The following PMPCB variants were observed in gnomAD, a reference collection of about 807,000 sequenced individuals.
PMPCB encodes peptidase, mitochondrial processing subunit beta, also known as mitochondrial-processing peptidase subunit beta.
In PMPCB, 46 loss-of-function variants were observed where a neutral mutation model predicts 61.5. The observed-to-expected ratio is 0.75, with a 90% CI of 0.59 to 0.96. The LOEUF (loss-of-function observed/expected upper bound fraction) is 0.96, where lower values mean the gene tolerates loss of function less well. Among genes scored for constraint, PMPCB ranks in the 40% least tolerant of loss-of-function variants. The pLI is 0.00. For synonymous variants in PMPCB, 191 were observed against 201.6 expected (o/e 0.95, Z 0.44); for missense variants, 590 against 602.4 (o/e 0.98, Z 0.22).
At chr7:103,319,659 T>C (rs1279053909), downstream of PMPCB, 1 of 1,614,144 alleles carries the variant, frequency 6.2e-7, no homozygotes, top group East Asian at 2.2e-5. Flanking sequence ...GATGTGAGTG[T>C]TTCATTCAAG....
intron 12 of PMPCB, among the ~76,000 whole-genome samples, chr7:103,325,796 C>T (rs1166874794): frequency 6.6e-6 from 1 of 152,116 alleles, no homozygotes; most frequent in African/African-American, 2.4e-5. Context: ...ATGCTTTAAT[C>T]GTAACTATAA....
intron 12 of PMPCB, chr7:103,322,932 G>T: frequency 4.1e-6 from 3 of 736,048 alleles, no homozygotes; most frequent in Non-Finnish European, 4.3e-6. Flanking sequence ...ATTAAACAAT[G>T]ATTTTTTTTT....
chr7:103,323,450 A>G, intron 12 of PMPCB: 1 of 840,290 alleles, frequency 1.2e-6, no homozygotes, highest in South Asian at 2.1e-5. Context: ...TTAACTTGTG[A>G]GAAAGGATTT....
the PMPCB span, chr7:103,344,700 A>G: frequency 2.0e-6 from 3 of 1,471,632 alleles, no homozygotes; most frequent in Non-Finnish European, 1.9e-6. Flanking sequence ...CTCCAGCTCT[A>G]CCTCTCACTC....
rs553051905 is a variant in PMPCB at position 103,312,386 on chromosome 7, T to C, written c.*115T>C. On this transcript the variant is annotated 3_prime_UTR_variant, in exon 13 of 13. Coordinates refer to ENST00000249269, the MANE Select transcript of PMPCB (RefSeq NM_004279.3). ...TTTGAATTAAATACTGTATCATACT[T>C]TCAAAGGATAAAAAGACTACCCCTC... 7 of 1,529,694 alleles carry C rather than the reference T, an allele frequency of 4.6e-6. No individual in the cohort carries two copies. The African/African-American group carries it at 8.4e-5, about 18-fold the overall frequency. The allele number at this position is 1,529,694 out of a possible 1,614,324, so 94.8% of individuals were successfully genotyped here.
At chr7:103,318,162 T>C (rs1299779201), downstream of PMPCB, among the ~76,000 whole-genome samples, 2 of 150,244 alleles carry the variant, frequency 1.3e-5, no homozygotes, top group Non-Finnish European at 3.0e-5. Flanking sequence ...CCCATAACAT[T>C]TTTTTTTTGT....
intron 12 of PMPCB, chr7:103,327,691 T>G: frequency 6.2e-7 from 1 of 1,613,364 alleles, no homozygotes; most frequent in Non-Finnish European, 8.5e-7. Flanking sequence ...ATTATCTCCT[T>G]CTTTTATTGG....
the PMPCB span, among the ~76,000 whole-genome samples, chr7:103,342,146 T>C: frequency 2.0e-5 from 3 of 152,212 alleles, no homozygotes; most frequent in Non-Finnish European, 2.9e-5. Flanking sequence ...TTTCCTAGTA[T>C]TAAAGAGTAT....
chr7:103,306,380 TTC>T (rs1491167585), intron 6 of PMPCB, among the ~76,000 whole-genome samples: 3 of 148,426 alleles, frequency 2.0e-5, no homozygotes, highest in Non-Finnish European at 3.0e-5. Context: ...TGTTCCTGAG[TTC>T]TTTTTTTTTT....
At chr7:103,345,943 TA>T in the PMPCB span, among the ~76,000 whole-genome samples, 352 of 144,468 alleles carry the variant, frequency 2.4e-3, no homozygotes, top group East Asian at 7.4e-3. Flanking sequence ...ACCCCGTCTT[TA>T]AAAAAAAAAA....
At chr7:103,342,006 T>C in the PMPCB span, 1 of 1,351,070 alleles carries the variant, frequency 7.4e-7, no homozygotes, top group Non-Finnish European at 9.9e-7. Flanking sequence ...GGAATAAATA[T>C]GTTTCAAGGC....
rs984843048 is a variant in PMPCB, at chr7:103,325,999, A to AT, written c.*1432-2920dup. Among the ~76,000 whole-genome samples, 247 of 148,210 alleles carry AT rather than the reference A, an allele frequency of 1.7e-3. 7 individuals carry two copies. In the East Asian group the frequency reaches 0.037, roughly 22 times the overall value. ...ATACTGTTATTTCTCTCAAAGCAAA[A>AT]TTTTTTTTTTTTGAGATGGAGTCTT... On this transcript the variant is annotated intron_variant and NMD_transcript_variant, in intron 12 of 12. Transcript: ENST00000444457.
downstream of PMPCB, among the ~76,000 whole-genome samples, chr7:103,332,546 C>T (rs1819018351): frequency 6.6e-6 from 1 of 152,022 alleles, no homozygotes; most frequent in Non-Finnish European, 1.5e-5. Context: ...ACACTTGAAA[C>T]AATTCACCTG....
At chr7:103,345,982 C>T in the PMPCB span, among the ~76,000 whole-genome samples, 1 of 151,966 alleles carries the variant, frequency 6.6e-6, no homozygotes, top group African/African-American at 2.4e-5. Context: ...GCCCCAAAAC[C>T]TCTTCCTGAT....
the PMPCB span, among the ~76,000 whole-genome samples, chr7:103,342,451 A>T: frequency 6.6e-6 from 1 of 151,694 alleles, no homozygotes; most frequent in Admixed American, 6.6e-5. Flanking sequence ...GATTACAGGC[A>T]TGCGCCACCA....
At chr7:103,316,648 G>GTAC (rs1818074186), downstream of PMPCB, 1 of 604,102 alleles carries the variant, frequency 1.7e-6, no homozygotes, top group African/African-American at 1.9e-5. Context: ...ATGTGCATGT[G>GTAC]TACTGATGCA....
At chr7:103,305,363 T>C (rs1229906870) in intron 6 of PMPCB, among the ~76,000 whole-genome samples, 1 of 152,212 alleles carries the variant, frequency 6.6e-6, no homozygotes, top group African/African-American at 2.4e-5. Flanking sequence ...TTCCTGGCAG[T>C]CTGAATCTAG....
intron 4 of PMPCB, 129 bp downstream of exon 4, chr7:103,300,436 G>C (rs1384776201): frequency 1.6e-6 from 1 of 628,180 alleles, no homozygotes. Context: ...ACTGAATTCT[G>C]GGTGAGGGTA....
chr7:103,306,766 T>G (rs1334844852), intron 6 of PMPCB, among the ~76,000 whole-genome samples: 1 of 152,116 alleles, frequency 6.6e-6, no homozygotes, highest in Non-Finnish European at 1.5e-5. Context: ...TTAATTTTAT[T>G]TATTTTAGAG....
Sources: allele counts gnomAD v4.1 joint callset (sites outside exome capture counted in the v4.1 genomes callset), GRCh38; gene constraint gnomAD v4.1.1; transcripts MANE v1.5; gene names NCBI Gene and HGNC (gene_info 2026-07-23, HGNC 2026-07-21).